MAP2K1: variants seen among roughly 807,000 people sequenced by gnomAD.
The protein encoded by MAP2K1 is dual specificity mitogen-activated protein kinase kinase 1.
In MAP2K1, 16 loss-of-function variants were observed where a neutral mutation model predicts 46.3. That is an observed-to-expected ratio of 0.35 (90% confidence interval 0.23 to 0.52). The LOEUF is 0.52. Among genes scored for constraint, MAP2K1 ranks in the 20% least tolerant of loss-of-function variants. The probability of loss-of-function intolerance (pLI) is 0.94; values close to 1 mark genes in which losing one functional copy is unlikely to be tolerated. For synonymous variants in MAP2K1, 183 were observed against 185.6 expected, an observed-to-expected ratio of 0.99 and a Z score of 0.11; for missense variants, 263 against 497.1, an observed-to-expected ratio of 0.53 and a Z score of 4.48.
intron 9 of MAP2K1, chr15:66,489,492 G>A (rs575197258): frequency 1.8e-4 from 117 of 664,624 alleles, no homozygotes; most frequent in Middle Eastern, 6.0e-4. Context: ...TGCTCCTTTT[G>A]GTACTTGCTC....
chr15:66,490,172 C>T (rs529934966), intron 10 of MAP2K1: 4 of 515,750 alleles, frequency 7.8e-6, no homozygotes, highest in African/African-American at 1.9e-5. Flanking sequence ...CAGCCATAGA[C>T]GGTGTATATA....
At chr15:66,449,768 C>T (rs976079233) in intron 5 of MAP2K1, among the ~76,000 whole-genome samples, 1 of 152,062 alleles carries the variant, frequency 6.6e-6, no homozygotes, top group African/African-American at 2.4e-5. Context: ...ATAATCCCAG[C>T]TACTTGGGAG....
intron 1 of MAP2K1, among the ~76,000 whole-genome samples, chr15:66,430,480 A>T (rs1374850261): frequency 6.6e-6 from 1 of 151,954 alleles, no homozygotes; most frequent in Non-Finnish European, 1.5e-5. Context: ...CAGTTTGGAG[A>T]TCCCATTTCT....
chr15:66,443,082 ATTTTTTTTTT>A (rs398027713), intron 3 of MAP2K1, among the ~76,000 whole-genome samples, 188 bp from the exon 4 acceptor site: 9 of 91,060 alleles, frequency 9.9e-5, no homozygotes, highest in Admixed American at 4.8e-4. Context: ...TTGTGTGTGT[ATTTTTTTTTT>A]TTTTTTTTTT....
At chr15:66,435,369 G>A in intron 2 of MAP2K1, 132 bp downstream of exon 2, 1 of 460,882 alleles carries the variant, frequency 2.2e-6, no homozygotes, top group Non-Finnish European at 3.8e-6. Context: ...TTTTTTTTAA[G>A]ACGGAGTTTC....
At chr15:66,430,549 C>T (rs139906648) in intron 1 of MAP2K1, among the ~76,000 whole-genome samples, 29 of 152,254 alleles carry the variant, frequency 1.9e-4, no homozygotes, top group African/African-American at 7.0e-4. Flanking sequence ...CCTCTAAATT[C>T]AGTGACCATC....
At chr15:66,400,671 T>C (rs530875917) in intron 1 of MAP2K1, among the ~76,000 whole-genome samples, 6 of 152,328 alleles carry the variant, frequency 3.9e-5, no homozygotes, top group Non-Finnish European at 1.5e-5. Flanking sequence ...ACATGTTTGC[T>C]AAGTTTTCGT....
chr15:66,407,321 A>G (rs898801079), intron 1 of MAP2K1, among the ~76,000 whole-genome samples: 10 of 152,172 alleles, frequency 6.6e-5, no homozygotes, highest in African/African-American at 2.4e-4. Flanking sequence ...TGCCCCCACA[A>G]GCGTTTCATT....
At chr15:66,438,705 C>T (rs1473317216) in intron 3 of MAP2K1, among the ~76,000 whole-genome samples, 1 of 152,162 alleles carries the variant, frequency 6.6e-6, no homozygotes, top group African/African-American at 2.4e-5. Context: ...TGTTCCTGCA[C>T]AAGTCTCTGG....
chr15:66,429,513 A>G (rs1179480396), intron 1 of MAP2K1, among the ~76,000 whole-genome samples: 1 of 152,198 alleles, frequency 6.6e-6, no homozygotes, highest in African/African-American at 2.4e-5. Flanking sequence ...TTCACAGAGC[A>G]CATATACACA....
chr15:66,392,254 GGTTTT>G (rs1268711230), intron 1 of MAP2K1, among the ~76,000 whole-genome samples: 3 of 79,678 alleles, frequency 3.8e-5, no homozygotes, highest in East Asian at 5.0e-4. Context: ...GTTTTTTTTG[GGTTTT>G]TTTTTTTTTT....
At chr15:66,415,193 A>T in intron 1 of MAP2K1, 6 of 512,330 alleles carry the variant, frequency 1.2e-5, no homozygotes, top group South Asian at 7.1e-5. Context: ...GGTATGACTG[A>T]TGCCATCTTG....
At chr15:66,435,364 T>TTTTTTTG in intron 2 of MAP2K1, 127 bp downstream of exon 2, 3 of 804,564 alleles carry the variant, frequency 3.7e-6, no homozygotes, top group Non-Finnish European at 6.0e-6. Flanking sequence ...TTTTTTTTTT[T>TTTTTTTG]TTAAGACGGA....
intron 1 of MAP2K1, among the ~76,000 whole-genome samples, chr15:66,406,931 C>T (rs2093398685): frequency 6.6e-6 from 1 of 152,118 alleles, no homozygotes; most frequent in African/African-American, 2.4e-5. Flanking sequence ...ACTTGGGAGG[C>T]TGAGGCAGGA....
chr15:66,393,465 C>T (rs1056267805), intron 1 of MAP2K1, among the ~76,000 whole-genome samples: 24 of 152,120 alleles, frequency 1.6e-4, no homozygotes, highest in Admixed American at 3.9e-4. Flanking sequence ...TGTGAACCAC[C>T]GCACCGGCTA....
intron 5 of MAP2K1, among the ~76,000 whole-genome samples, chr15:66,462,935 G>A (rs1394443246): frequency 1.3e-5 from 2 of 152,184 alleles, no homozygotes; most frequent in African/African-American, 2.4e-5. Flanking sequence ...AATTCTAGGC[G>A]GCCTTCCTGC....
chr15:66,445,994 C>T (rs559605360), intron 5 of MAP2K1, among the ~76,000 whole-genome samples: 3 of 151,938 alleles, frequency 2.0e-5, no homozygotes, highest in East Asian at 1.9e-4. Context: ...GAGGTCGAGG[C>T]GGGCAGATCA....
At chr15:66,394,783 A>G (rs1341239197) in intron 1 of MAP2K1, among the ~76,000 whole-genome samples, 1 of 152,078 alleles carries the variant, frequency 6.6e-6, no homozygotes, top group Non-Finnish European at 1.5e-5. Context: ...GTGGTTTCAC[A>G]CTGATTTTGT....
chr15:66,438,177 C>T (rs565974055), intron 3 of MAP2K1, among the ~76,000 whole-genome samples: 1 of 151,776 alleles, frequency 6.6e-6, no homozygotes, highest in Non-Finnish European at 1.5e-5. Context: ...ACCTCCACCT[C>T]CCAGGTTCAA....
Sources: allele counts gnomAD v4.1 joint callset (sites outside exome capture counted in the v4.1 genomes callset), GRCh38; gene constraint gnomAD v4.1.1; transcripts MANE v1.5; gene names NCBI Gene and HGNC (gene_info 2026-07-23, HGNC 2026-07-21).